Variants in BST1 observed in about 807,000 individuals in gnomAD.
BST1 encodes ADP-ribosyl cyclase/cyclic ADP-ribose hydrolase 2.
BST1 carries 49 observed loss-of-function variants against 40.6 expected under a neutral mutation model. That is an observed-to-expected ratio of 1.21 (90% CI 0.96 to 1.53). BST1 has a LOEUF of 1.53. Among genes scored for constraint, BST1 ranks in the 40% most tolerant of loss-of-function variants. The probability of loss-of-function intolerance (pLI) is 0.00; values close to 1 mark genes in which losing one functional copy is unlikely to be tolerated. For synonymous variants in BST1, 157 were observed against 159.3 expected (o/e 0.99, Z 0.11); for missense variants, 423 against 395.9 (o/e 1.07, Z -0.58).
At chr4:15,744,075 T>G in the BST1 span, among the ~76,000 whole-genome samples, 4 of 152,196 alleles carry the variant, frequency 2.6e-5, no homozygotes, top group Non-Finnish European at 4.4e-5. Context: ...GACTAATCCC[T>G]TCACCTTCTG....
chr4:15,703,644 G>A (rs1719681237), intron 1 of BST1, among the ~76,000 whole-genome samples: 1 of 133,080 alleles, frequency 7.5e-6, no homozygotes, highest in African/African-American at 2.8e-5. Context: ...GTGTGTGTGT[G>A]CGCGCGCTCT....
At chr4:15,720,221 T>C (rs1005257710) in intron 7 of BST1, among the ~76,000 whole-genome samples, 2 of 152,132 alleles carry the variant, frequency 1.3e-5, no homozygotes, top group Non-Finnish European at 1.5e-5. Flanking sequence ...GTGACAGAGC[T>C]GAGTTTTGAA....
the BST1 span, among the ~76,000 whole-genome samples, chr4:15,762,921 G>T: frequency 5.3e-5 from 8 of 151,884 alleles, 1 homozygote; most frequent in African/African-American, 1.9e-4. Flanking sequence ...TTGTATATAT[G>T]TACCACAATT....
At chr4:15,711,084 C>T (rs1387159864) in intron 3 of BST1, among the ~76,000 whole-genome samples, 9 of 152,244 alleles carry the variant, frequency 5.9e-5, no homozygotes, top group Middle Eastern at 3.4e-3. Flanking sequence ...GCCACTGTGC[C>T]CAGTCTATTT....
intron 3 of BST1, 33 bp downstream of exon 3, chr4:15,707,679 A>C (rs949729057): frequency 4.0e-5 from 65 of 1,611,296 alleles, no homozygotes; most frequent in Non-Finnish European, 5.4e-5. Flanking sequence ...AGGAGACTTA[A>C]GAACTCCTAT....
chr4:15,743,168 T>C (rs1259874576), downstream of BST1: 1 of 158,738 alleles, frequency 6.3e-6, no homozygotes, highest in Non-Finnish European at 1.4e-5. Flanking sequence ...AACATCAAAA[T>C]TCCCTTGCAT....
chr4:15,720,851 A>G (rs1017603711), intron 7 of BST1, among the ~76,000 whole-genome samples: 1 of 152,104 alleles, frequency 6.6e-6, no homozygotes, highest in Non-Finnish European at 1.5e-5. Context: ...ACAAACAACA[A>G]CAACAAAAAG....
chr4:15,718,777 T>A, intron 6 of BST1, 130 bp from the exon 7 acceptor site: 1 of 722,016 alleles, frequency 1.4e-6, no homozygotes, highest in Admixed American at 3.0e-5. Flanking sequence ...ACCAGAGACA[T>A]TCCAGTTTTC....
At chr4:15,767,367 G>A in the BST1 span, among the ~76,000 whole-genome samples, 2 of 151,592 alleles carry the variant, frequency 1.3e-5, no homozygotes, top group East Asian at 3.9e-4. Context: ...GTAATGGTGT[G>A]ATCTCAGCTC....
intron 3 of BST1, among the ~76,000 whole-genome samples, 170 bp downstream of exon 3, chr4:15,707,816 G>T (rs1372130781): frequency 6.7e-6 from 1 of 148,848 alleles, no homozygotes; most frequent in African/African-American, 2.5e-5. Flanking sequence ...ACTTAACTTT[G>T]CAGGTGCCAG....
chr4:15,706,584 A>AGACAC (rs1179515446), intron 2 of BST1, among the ~76,000 whole-genome samples: 3 of 152,254 alleles, frequency 2.0e-5, no homozygotes, highest in African/African-American at 4.8e-5. Flanking sequence ...AAGGAATGCT[A>AGACAC]GACACCATTT....
chr4:15,719,325 C>A (rs1308758512), intron 7 of BST1, among the ~76,000 whole-genome samples: 1 of 152,092 alleles, frequency 6.6e-6, no homozygotes, highest in Non-Finnish European at 1.5e-5. Context: ...GTCTTTGGAT[C>A]TCTGTGGGAT....
chr4:15,772,898 G>A, the BST1 span, among the ~76,000 whole-genome samples: 11 of 152,206 alleles, frequency 7.2e-5, no homozygotes, highest in African/African-American at 2.7e-4. Flanking sequence ...ACAGAGGTGC[G>A]CACGCACCAT....
chr4:15,730,680 G>C (rs16892289), intron 8 of BST1, among the ~76,000 whole-genome samples: 13,261 of 152,226 alleles, frequency 0.087, 1,216 homozygotes, highest in East Asian at 0.52. Context: ...GCTCAGGAAA[G>C]AATGTCTTGA....
the BST1 span, among the ~76,000 whole-genome samples, chr4:15,772,576 G>A: frequency 1.3e-5 from 2 of 152,322 alleles, no homozygotes; most frequent in East Asian, 1.9e-4. Context: ...TTCTCAGAGT[G>A]TGCATTCCTG....
intron 8 of BST1, among the ~76,000 whole-genome samples, chr4:15,724,229 T>G (rs936108001): frequency 1.3e-5 from 2 of 152,234 alleles, no homozygotes; most frequent in Non-Finnish European, 2.9e-5. Flanking sequence ...TCTCTTAGTA[T>G]TTTTCATTAC....
chr4:15,762,048 G>C, the BST1 span, among the ~76,000 whole-genome samples: 1 of 151,566 alleles, frequency 6.6e-6, no homozygotes. Flanking sequence ...AATTAGCCAG[G>C]CATAGTGGCA....
At chr4:15,720,804 G>T (rs1045800499) in intron 7 of BST1, among the ~76,000 whole-genome samples, 3 of 151,960 alleles carry the variant, frequency 2.0e-5, no homozygotes, top group Non-Finnish European at 4.4e-5. Context: ...ATAAAACAAA[G>T]TAAACCCCTA....
At chr4:15,749,047 C>A in the BST1 span, among the ~76,000 whole-genome samples, 2 of 152,154 alleles carry the variant, frequency 1.3e-5, no homozygotes, top group African/African-American at 4.8e-5. Context: ...CCTGCGGGGA[C>A]CTTTGGCTGA....
Sources: allele counts gnomAD v4.1 joint callset (sites outside exome capture counted in the v4.1 genomes callset), GRCh38; gene constraint gnomAD v4.1.1; transcripts MANE v1.5; gene names NCBI Gene and HGNC (gene_info 2026-07-23, HGNC 2026-07-21).